Variants in SF3A3 observed in about 807,000 individuals in gnomAD.
SF3A3 encodes SAP 61.
A neutral mutation model predicts 85.8 loss-of-function variants in SF3A3; 9 were observed. That is an observed-to-expected ratio of 0.10 (90% confidence interval 0.06 to 0.18). SF3A3 has a LOEUF of 0.18. Among genes scored for constraint, SF3A3 ranks in the 10% least tolerant of loss-of-function variants. SF3A3 has a pLI of 1.00. For synonymous variants in SF3A3, 195 were observed against 204.4 expected, an observed-to-expected ratio of 0.95 and a Z score of 0.39; for missense variants, 306 against 593.3, an observed-to-expected ratio of 0.52 and a Z score of 5.03.
intron 12 of SF3A3, among the ~76,000 whole-genome samples, chr1:37,974,459 T>C (rs1025746152): frequency 6.6e-6 from 1 of 152,040 alleles, no homozygotes; most frequent in African/African-American, 2.4e-5. Context: ...CCCGCCACTA[T>C]GCCTGGCTAA....
intron 6 of SF3A3, 196 bp downstream of exon 6, chr1:37,983,970 GCTT>G (rs1646438422): frequency 4.7e-6 from 2 of 425,760 alleles, no homozygotes; most frequent in South Asian, 1.3e-4. Flanking sequence ...AAATAAATAT[GCTT>G]CTTGTTTTCA....
intron 2 of SF3A3, among the ~76,000 whole-genome samples, chr1:37,988,991 G>C (rs1570473339): frequency 6.6e-6 from 1 of 151,958 alleles, no homozygotes; most frequent in South Asian, 2.1e-4. Context: ...ACAGGATGCT[G>C]TAAGAATGGG....
At chr1:37,973,555 G>A (rs1048574974) in intron 12 of SF3A3, among the ~76,000 whole-genome samples, 2 of 152,188 alleles carry the variant, frequency 1.3e-5, no homozygotes, top group Non-Finnish European at 2.9e-5. Flanking sequence ...CAGTTAGAAT[G>A]GCGATGATTA....
intron 4 of SF3A3, among the ~76,000 whole-genome samples, chr1:37,987,342 G>A (rs141248462): frequency 6.6e-6 from 1 of 152,300 alleles, no homozygotes; most frequent in Non-Finnish European, 1.5e-5. Flanking sequence ...GCCTCCCAAA[G>A]TGCTGGGATT....
chr1:37,972,667 A>C (rs1470076031), intron 12 of SF3A3, among the ~76,000 whole-genome samples: 1 of 152,230 alleles, frequency 6.6e-6, no homozygotes, highest in Non-Finnish European at 1.5e-5. Flanking sequence ...ACTGGTATCA[A>C]AACAGAGATA....
chr1:37,969,121 C>T (rs893174542), intron 14 of SF3A3, among the ~76,000 whole-genome samples: 6 of 152,158 alleles, frequency 3.9e-5, no homozygotes, highest in African/African-American at 1.4e-4. Flanking sequence ...AAGAGAAAAC[C>T]AAATAAGGTT....
chr1:37,984,245 G>A lies in SF3A3; in HGVS notation c.392C>T (p.Thr131Ile). The change falls in exon 6 of 17, where the codon ACA becomes ATA. Residue 131 changes from threonine (T) to isoleucine (I), a missense_variant. Around this residue, in one of 4 missense-constraint regions of SF3A3, gnomAD observed 152 missense variants for 192.0 expected, o/e 0.79. Transcript: ENST00000373019. ...ATAACGACCATATCCCTCTTCATCT[G>A]TGAACTCCACCAAGTCTGAGGGAAT... is the stretch of plus-strand genomic sequence containing the variant. The part of the protein sequence containing the change: ...SEEAQNLVEF[T>I]DEEGYGRYLD... The A allele has an allele frequency of 6.3e-7, 1 of 1,595,692 alleles. No individual in the cohort carries two copies. Among genetic ancestry groups the A allele is most frequent in the Non-Finnish European group, 8.6e-7 (1 of 1,164,780 alleles).
At chr1:37,986,429 A>C (rs1646457283) in intron 4 of SF3A3, among the ~76,000 whole-genome samples, 1 of 152,162 alleles carries the variant, frequency 6.6e-6, no homozygotes. Context: ...AACTTCAGTA[A>C]GGCAACACCA....
chr1:37,968,081 G>A lies in SF3A3; in HGVS notation c.1335C>T (p.His445=), dbSNP rs1331241643. The A allele has an allele frequency of 4.3e-6, 7 of 1,613,098 alleles. No homozygotes were observed. The East Asian group carries it at 1.1e-4, about 26-fold the overall frequency. Residue 445 remains histidine, a synonymous_variant, in exon 15 of 17, where the codon CAC becomes CAT. Transcript: ENST00000373019. The part of the protein sequence containing the change: ...MRCLGIPNTA[H]FANVTQIEDA... ...CTTCAATCTGTGTCACATTAGCAAA[G>A]TGAGCAGTGTTTGGGATGCCCAAAC...
At chr1:37,967,188 G>A (rs527361434) in intron 15 of SF3A3, among the ~76,000 whole-genome samples, 19 of 146,054 alleles carry the variant, frequency 1.3e-4, no homozygotes, top group African/African-American at 3.6e-4. Flanking sequence ...CCCAGGAGAC[G>A]GAGGTTGCAG....
intron 12 of SF3A3, among the ~76,000 whole-genome samples, chr1:37,970,744 C>T (rs1646333291): frequency 6.6e-6 from 1 of 152,170 alleles, no homozygotes; most frequent in Non-Finnish European, 1.5e-5. Context: ...GAACAACCTG[C>T]TCCTGAATGA....
chr1:37,986,811 C>CAAAAAAAA (rs1186890843), intron 4 of SF3A3, among the ~76,000 whole-genome samples: 15 of 62,176 alleles, frequency 2.4e-4, no homozygotes, highest in Non-Finnish European at 2.4e-4. Context: ...GACTCCATCT[C>CAAAAAAAA]AAAAAAAAAA....
At chr1:37,979,102 G>A (rs1172446640) in intron 9 of SF3A3, 47 bp from the exon 10 acceptor site, 2 of 1,525,430 alleles carry the variant, frequency 1.3e-6, no homozygotes, top group East Asian at 2.2e-5. Flanking sequence ...ACAGATTTTT[G>A]GGAAACCCCA....
At chr1:37,964,070 T>C (rs1264744912) in intron 15 of SF3A3, among the ~76,000 whole-genome samples, 1 of 151,652 alleles carries the variant, frequency 6.6e-6, no homozygotes, top group East Asian at 2.0e-4. Context: ...TCCCAGCTAC[T>C]TGGGAGGCTG....
chr1:37,980,207 C>G (rs1168264942), intron 8 of SF3A3, among the ~76,000 whole-genome samples: 1 of 152,128 alleles, frequency 6.6e-6, no homozygotes, highest in East Asian at 1.9e-4. Flanking sequence ...GGCGGATCAC[C>G]TGAGGTCGGG....
At position 37,966,195 on chromosome 1, in the gene SF3A3, T is replaced by C. The variant is rs546007124; in HGVS notation, c.1372+1849A>G. On this transcript the variant is annotated intron_variant, in intron 15 of 16. Coordinates refer to ENST00000373019, the MANE Select transcript of SF3A3 (RefSeq NM_006802.4). Reference sequence around the variant, plus strand: ...TCCAGCTTGGGTGACAGAGCAAGACTCTGTCTCAAAAAAATAAATAAATAA... The same window carrying C: ...TCCAGCTTGGGTGACAGAGCAAGACCCTGTCTCAAAAAAATAAATAAATAA... 4.0e-3 allele frequency among the ~76,000 whole-genome samples: 600 copies of C among 151,192 alleles called. 3 individuals are homozygous for C. The highest frequency in any genetic ancestry group is 0.014 in the African/African-American group (567 of 41,170).
At chr1:37,979,078 A>T in intron 9 of SF3A3, 23 bp from the exon 10 acceptor site, 1 of 1,593,184 alleles carries the variant, frequency 6.3e-7, no homozygotes, top group Non-Finnish European at 8.6e-7. Flanking sequence ...GAGAAAAATT[A>T]CAATATTACA....
chr1:37,962,633 AT>A (rs1646269918), intron 15 of SF3A3, among the ~76,000 whole-genome samples: 1 of 151,498 alleles, frequency 6.6e-6, no homozygotes, highest in South Asian at 2.1e-4. Flanking sequence ...AAGAATATTA[AT>A]AAAGTGCGAC....
At chr1:37,984,605 G>C (rs1413554477) in intron 5 of SF3A3, 102 bp downstream of exon 5, 1 of 856,602 alleles carries the variant, frequency 1.2e-6, no homozygotes, top group Non-Finnish European at 2.0e-6. Flanking sequence ...AAACCAGCAA[G>C]AAATCCTGGC....
Sources: allele counts gnomAD v4.1 joint callset (sites outside exome capture counted in the v4.1 genomes callset), GRCh38; gene constraint gnomAD v4.1.1; regional missense constraint gnomAD v4.1.1; transcripts MANE v1.5; gene names NCBI Gene and HGNC (gene_info 2026-07-23, HGNC 2026-07-21).